NHS: variants seen among roughly 807,000 people sequenced by gnomAD.
The protein encoded by NHS is actin remodeling regulator NHS.
Under a neutral mutation model 72.5 loss-of-function variants are expected in NHS, and 5 were observed. The ratio of observed to expected loss-of-function variants is 0.07; its 90% CI spans 0.04 to 0.14. The LOEUF (loss-of-function observed/expected upper bound fraction) is 0.14. NHS is among the 10% of genes least tolerant of loss of function. The pLI, the probability that NHS is intolerant of heterozygous loss-of-function variation, is 1.00. For missense variants in NHS, 1,072 were observed against 1,355.7 expected (o/e 0.79, Z 3.29); for synonymous variants, 464 against 547.7 (o/e 0.85, Z 2.13).
intron 1 of NHS, among the ~76,000 whole-genome samples, chrX:17,656,163 A>G (rs2065953763): frequency 8.8e-6 from 1 of 113,067 alleles, no homozygotes; most frequent in Admixed American, 9.2e-5. Flanking sequence ...TGACGGCCGC[A>G]TTCCCGGGGA....
intron 1 of NHS, among the ~76,000 whole-genome samples, chrX:17,558,068 A>T (rs1421767079): frequency 8.9e-6 from 1 of 112,311 alleles, no homozygotes; most frequent in African/African-American, 3.2e-5. Context: ...AAGTGGAGGG[A>T]TTTACACAAC....
At chrX:17,505,998 C>T (rs1358944356) in intron 1 of NHS, among the ~76,000 whole-genome samples, 1 of 111,728 alleles carries the variant, frequency 9.0e-6, no homozygotes, top group African/African-American at 3.3e-5. Context: ...TCAACATGAT[C>T]AGATTTAATT....
intron 8 of NHS, among the ~76,000 whole-genome samples, chrX:17,730,788 T>C (rs1268814224): frequency 2.7e-5 from 3 of 112,131 alleles, no homozygotes; most frequent in African/African-American, 9.7e-5. Context: ...TATTTTGTTT[T>C]CTTGCGAGCT....
At chrX:17,517,477 G>A (rs919829708) in intron 1 of NHS, among the ~76,000 whole-genome samples, 3 of 112,283 alleles carry the variant, frequency 2.7e-5, no homozygotes, top group Non-Finnish European at 5.6e-5. Context: ...ATAGTATAGC[G>A]TATTACCTAC....
intron 1 of NHS, among the ~76,000 whole-genome samples, chrX:17,597,116 GTTTTTT>G (rs59820959): frequency 4.8e-5 from 4 of 83,262 alleles, no homozygotes; most frequent in South Asian, 5.9e-4. Context: ...CTATTCTTCC[GTTTTTT>G]TTTTTTTTTT....
At chrX:17,430,988 A>T (rs1399102815) in intron 1 of NHS, among the ~76,000 whole-genome samples, 1 of 111,788 alleles carries the variant, frequency 8.9e-6, no homozygotes, top group Non-Finnish European at 1.9e-5. Context: ...TCTCTTATAT[A>T]CCTAAGGAGT....
At chrX:17,607,686 A>G (rs2065687922) in intron 1 of NHS, among the ~76,000 whole-genome samples, 1 of 111,300 alleles carries the variant, frequency 9.0e-6, no homozygotes, top group Non-Finnish European at 1.9e-5. Flanking sequence ...AGTGAGCCAC[A>G]CTCAATCAAG....
At chrX:17,515,357 G>C (rs2065114271) in intron 1 of NHS, among the ~76,000 whole-genome samples, 1 of 109,289 alleles carries the variant, frequency 9.2e-6, no homozygotes, top group African/African-American at 3.5e-5. Flanking sequence ...TTGAAAACTG[G>C]TAATTCATGT....
chrX:17,657,185 G>A (rs1224886256), intron 1 of NHS, among the ~76,000 whole-genome samples: 1 of 112,686 alleles, frequency 8.9e-6, no homozygotes, highest in Non-Finnish European at 1.9e-5. Flanking sequence ...ACTTGCTCAG[G>A]GCATGCTAGG....
chrX:17,545,102 T>G (rs940975545), intron 1 of NHS, among the ~76,000 whole-genome samples: 7 of 112,035 alleles, frequency 6.2e-5, no homozygotes, highest in Admixed American at 2.8e-4. Context: ...GAGCTGTTCC[T>G]CCAGGTGTTG....
chrX:17,441,372 C>T (rs1487568232), intron 1 of NHS, among the ~76,000 whole-genome samples: 1 of 112,050 alleles, frequency 8.9e-6, no homozygotes, highest in Non-Finnish European at 1.9e-5. Flanking sequence ...TTCTACATGC[C>T]AGGCATTATT....
chrX:17,724,877 TA>T (rs964325319), intron 6 of NHS, among the ~76,000 whole-genome samples: 7 of 112,164 alleles, frequency 6.2e-5, no homozygotes, highest in African/African-American at 2.3e-4. Flanking sequence ...TGTTTCTGTT[TA>T]GTGGATTTAA....
intron 1 of NHS, among the ~76,000 whole-genome samples, chrX:17,553,405 T>C (rs936607739): frequency 3.6e-5 from 4 of 112,289 alleles, no homozygotes; most frequent in African/African-American, 1.3e-4. Context: ...CATGAATGGG[T>C]TTTGGATTAA....
At chrX:17,515,372 G>C (rs2065114383) in intron 1 of NHS, among the ~76,000 whole-genome samples, 1 of 101,792 alleles carries the variant, frequency 9.8e-6, no homozygotes, top group African/African-American at 4.7e-5. Context: ...TCATGTATAG[G>C]ATAAATGGTG....
At chrX:17,471,429 G>A (rs1019370926) in intron 1 of NHS, among the ~76,000 whole-genome samples, 3 of 112,147 alleles carry the variant, frequency 2.7e-5, no homozygotes, top group African/African-American at 6.5e-5. Flanking sequence ...ATGAGCCACC[G>A]GGGTGGAAAA....
intron 1 of NHS, among the ~76,000 whole-genome samples, chrX:17,474,883 C>G (rs2064908802): frequency 9.0e-6 from 1 of 111,114 alleles, no homozygotes; most frequent in Non-Finnish European, 1.9e-5. Flanking sequence ...ATCATAAGCC[C>G]CCAGCCAGAC....
chrX:17,554,491 C>T (rs1211629059), intron 1 of NHS, among the ~76,000 whole-genome samples: 1 of 112,529 alleles, frequency 8.9e-6, no homozygotes, highest in East Asian at 2.8e-4. Context: ...CGTTAGGCAC[C>T]GTTTGCCAAA....
intron 1 of NHS, among the ~76,000 whole-genome samples, chrX:17,438,632 T>C (rs1043477011): frequency 8.9e-6 from 1 of 112,293 alleles, no homozygotes; most frequent in African/African-American, 3.2e-5. Flanking sequence ...CTAAGATTCC[T>C]TTCAGCTAGA....
rs1481421967 is a variant in NHS at position 17,731,956 on chromosome X, C to G, written c.4448C>G (p.Ser1483Cys). ...PLSSSSSSAS[S>C]ITSPSSNVTT... Reference sequence around the variant, plus strand: ...AGCAGTAGCAGCAGCAGCGCCAGTTCCATCACTTCACCCAGCAGTAATGTG... The same window carrying G: ...AGCAGTAGCAGCAGCAGCGCCAGTTGCATCACTTCACCCAGCAGTAATGTG... Residue 1483 changes from serine to cysteine, a missense_variant, in exon 9 of 9, where the codon TCC becomes TGC. Ser to Cys is a moderately radical substitution (Grantham distance 112). Coordinates refer to ENST00000676302, the MANE Select transcript of NHS (RefSeq NM_001291867.2). The G allele has an allele frequency of 8.3e-7, 1 of 1,211,723 alleles. No individual in the cohort carries two copies. The highest frequency in any genetic ancestry group is 1.1e-6 in the Non-Finnish European group (1 of 895,506).
Sources: gnomAD v4.1 joint callset for allele counts (sites outside exome capture counted in the v4.1 genomes callset) on GRCh38, gnomAD v4.1.1 for gene constraint, MANE v1.5 for transcripts, NCBI Gene and HGNC (gene_info 2026-07-23, HGNC 2026-07-21) for gene names.